Variants in CSMD3 observed in about 807,000 individuals in gnomAD.
CSMD3 encodes the protein CUB and Sushi multiple domains 3.
In CSMD3, 177 loss-of-function variants were observed where a neutral mutation model predicts 435.2. The ratio of observed to expected loss-of-function variants is 0.41; its 90% CI spans 0.36 to 0.46. The LOEUF (loss-of-function observed/expected upper bound fraction) is 0.46. Among genes scored for constraint, CSMD3 ranks in the 20% least tolerant of loss-of-function variants. The pLI is 0.34. For missense variants in CSMD3, 4,265 were observed against 4,504.6 expected, an observed-to-expected ratio of 0.95 and a Z score of 1.52; for synonymous variants, 1,656 against 1,520.5, an observed-to-expected ratio of 1.09 and a Z score of -2.07.
chr8:112,354,213 A>G (rs1047717019), intron 38 of CSMD3, among the ~76,000 whole-genome samples: 1 of 152,186 alleles, frequency 6.6e-6, no homozygotes, highest in African/African-American at 2.4e-5. Context: ...AATAAGATCC[A>G]TATATGACAA....
chr8:112,497,753 G>A (rs1013830639), intron 30 of CSMD3, among the ~76,000 whole-genome samples: 1 of 151,888 alleles, frequency 6.6e-6, no homozygotes, highest in Non-Finnish European at 1.5e-5. Flanking sequence ...ATCATTACAA[G>A]CATTGTTAGC....
At chr8:112,955,260 C>T (rs73347930) in intron 7 of CSMD3, among the ~76,000 whole-genome samples, 2,487 of 151,664 alleles carry the variant, frequency 0.016, 58 homozygotes, top group African/African-American at 0.056. Context: ...ATTTTAATAG[C>T]TCTGTCAATC....
At chr8:112,855,265 C>G (rs1172337857) in intron 11 of CSMD3, among the ~76,000 whole-genome samples, 1 of 152,080 alleles carries the variant, frequency 6.6e-6, no homozygotes, top group Non-Finnish European at 1.5e-5. Context: ...ATTTTGGAAA[C>G]TGTACTTTCT....
chr8:113,108,510 GTTAA>G lies in CSMD3; in HGVS notation c.710-9551_710-9548del, dbSNP rs58892610. Among the ~76,000 whole-genome samples the G allele has an allele frequency of 7.6e-3, 1,147 of 151,850 alleles. 25 individuals carry two copies. Among genetic ancestry groups the G allele is most frequent in the African/African-American group, 0.026 (1,085 of 41,394 alleles). Reference sequence around the variant, plus strand: ...TACCTCTGTTCAGCAAGTGGAAATTGTTAATTAATTTATATTCTCCATCCTTAAT... The same window carrying G: ...TACCTCTGTTCAGCAAGTGGAAATTGTTAATTTATATTCTCCATCCTTAAT... On this transcript the variant is annotated intron_variant, in intron 4 of 70. Transcript: ENST00000297405.
intron 4 of CSMD3, among the ~76,000 whole-genome samples, chr8:113,153,016 GA>G (rs1397410847): frequency 2.0e-5 from 2 of 100,446 alleles, no homozygotes; most frequent in African/African-American, 7.4e-5. Flanking sequence ...AAAAGGAAAA[GA>G]AAAGAAAAGA....
At chr8:112,882,104 T>C (rs1206016428) in intron 10 of CSMD3, among the ~76,000 whole-genome samples, 1 of 151,978 alleles carries the variant, frequency 6.6e-6, no homozygotes, top group South Asian at 2.1e-4. Flanking sequence ...TAGGGAAGCC[T>C]TAGCATAAAA....
At chr8:113,393,317 C>T (rs1385581676) in intron 1 of CSMD3, among the ~76,000 whole-genome samples, 2 of 151,924 alleles carry the variant, frequency 1.3e-5, no homozygotes, top group African/African-American at 2.4e-5. Flanking sequence ...ACTCAAGAAG[C>T]CATTGAGGCT....
chr8:112,272,444 G>T (rs539349558), intron 59 of CSMD3, among the ~76,000 whole-genome samples: 5 of 152,130 alleles, frequency 3.3e-5, no homozygotes, highest in South Asian at 2.1e-4. Context: ...CATAAAAATT[G>T]TGTCTACAGA....
chr8:112,703,231 A>C (rs1326607134), intron 13 of CSMD3, among the ~76,000 whole-genome samples: 1 of 152,148 alleles, frequency 6.6e-6, no homozygotes, highest in Admixed American at 6.6e-5. Context: ...GTTAGCACCC[A>C]TAGAGAGTAG....
chr8:112,886,317 T>G (rs1374115809), intron 10 of CSMD3, among the ~76,000 whole-genome samples: 1 of 151,680 alleles, frequency 6.6e-6, no homozygotes, highest in African/African-American at 2.4e-5. Context: ...TCATTTTTCT[T>G]TTTTGCCTTT....
At chr8:112,253,503 C>T (rs1297876870) in intron 63 of CSMD3, among the ~76,000 whole-genome samples, 1 of 151,922 alleles carries the variant, frequency 6.6e-6, no homozygotes, top group African/African-American at 2.4e-5. Context: ...CAGGTTCACG[C>T]TGAATTTCAC....
At chr8:113,154,657 G>C in intron 4 of CSMD3, among the ~76,000 whole-genome samples, 1 of 152,008 alleles carries the variant, frequency 6.6e-6, no homozygotes, top group East Asian at 1.9e-4. Context: ...AGTTGCTGCA[G>C]AATGAAAAGA....
intron 6 of CSMD3, among the ~76,000 whole-genome samples, chr8:112,984,074 A>G (rs2085157456): frequency 1.3e-5 from 2 of 151,794 alleles, no homozygotes; most frequent in East Asian, 1.9e-4. Flanking sequence ...GTTGGAGGGG[A>G]AAAAAAACTT....
chr8:112,361,710 C>T (rs748796673), intron 38 of CSMD3, among the ~76,000 whole-genome samples: 5 of 149,538 alleles, frequency 3.3e-5, no homozygotes, highest in Admixed American at 1.3e-4. Flanking sequence ...ACTGCTAAGA[C>T]ACCCAGTAAC....
chr8:112,934,567 A>C (rs1164356745), intron 9 of CSMD3, among the ~76,000 whole-genome samples: 1 of 152,106 alleles, frequency 6.6e-6, no homozygotes, highest in Admixed American at 6.6e-5. Context: ...ATATCATACC[A>C]TTTTGCTGTG....
chr8:112,900,046 C>A (rs1211795790), intron 10 of CSMD3, among the ~76,000 whole-genome samples: 1 of 151,024 alleles, frequency 6.6e-6, no homozygotes, highest in Non-Finnish European at 1.5e-5. Context: ...TACAAGTGGA[C>A]ACATTTTTTC....
chr8:113,089,163 A>T (rs891468403), intron 5 of CSMD3, among the ~76,000 whole-genome samples: 3 of 151,958 alleles, frequency 2.0e-5, no homozygotes, highest in Admixed American at 6.6e-5. Flanking sequence ...TTTCTTTTCA[A>T]CTTCCTCCAC....
In CSMD3 at chr8:112,573,885, A is replaced by C. The variant is rs186513919; in HGVS notation, c.3886-228T>G. ...CTTAGTGTACTTTAAGTAATACTTG[A>C]ATCAGGTGATATAGCTTCTTTTCTT... On this transcript the variant is annotated intron_variant, in intron 23 of 70. Transcript: ENST00000297405. Among the ~76,000 whole-genome samples the C allele has an allele frequency of 5.5e-3, 842 of 152,110 alleles. 4 individuals carry two copies. The highest frequency in any genetic ancestry group is 9.1e-3 in the Non-Finnish European group (615 of 67,908).
chr8:112,991,246 A>G (rs2085447598), intron 6 of CSMD3, among the ~76,000 whole-genome samples: 1 of 151,650 alleles, frequency 6.6e-6, no homozygotes, highest in South Asian at 2.1e-4. Context: ...ATATTCCTGT[A>G]AAACATATTT....
Sources: gnomAD v4.1 joint callset for allele counts (sites outside exome capture counted in the v4.1 genomes callset) on GRCh38, gnomAD v4.1.1 for gene constraint, MANE v1.5 for transcripts, NCBI Gene and HGNC (gene_info 2026-07-23, HGNC 2026-07-21) for gene names.